The following PSMD1 variants were observed in gnomAD, a reference collection of about 807,000 sequenced individuals.
PSMD1 encodes 26S proteasome non-ATPase regulatory subunit 1.
In PSMD1, 18 loss-of-function variants were observed where a neutral mutation model predicts 119.0. The observed-to-expected ratio is 0.15, with a 90% CI of 0.10 to 0.22. The LOEUF is 0.22. Among genes scored for constraint, PSMD1 ranks in the 10% least tolerant of loss-of-function variants. PSMD1 has a pLI of 1.00. For synonymous variants in PSMD1, 374 were observed against 396.6 expected, an observed-to-expected ratio of 0.94 and a Z score of 0.68; for missense variants, 702 against 1,158.5, an observed-to-expected ratio of 0.61 and a Z score of 5.72.
At chr2:231,137,885 C>CA (rs1221398503) in intron 16 of PSMD1, among the ~76,000 whole-genome samples, 1 of 152,038 alleles carries the variant, frequency 6.6e-6, no homozygotes, top group Non-Finnish European at 1.5e-5. Flanking sequence ...TTCATGGCTG[C>CA]AAAAAAATCT....
chr2:231,062,352 G>C, intron 3 of PSMD1, 31 bp downstream of exon 3: 1 of 1,557,250 alleles, frequency 6.4e-7, no homozygotes, highest in South Asian at 1.1e-5. Flanking sequence ...ATCAGAATAA[G>C]ATGGATCAAA....
chr2:231,147,799 T>C (rs761176530), intron 18 of PSMD1, among the ~76,000 whole-genome samples: 1 of 152,232 alleles, frequency 6.6e-6, no homozygotes, highest in Non-Finnish European at 1.5e-5. Flanking sequence ...GAAAAAACTG[T>C]TGGCATTGTG....
At chr2:231,125,694 C>A (rs1306643468) in intron 16 of PSMD1, among the ~76,000 whole-genome samples, 1 of 152,148 alleles carries the variant, frequency 6.6e-6, no homozygotes, top group African/African-American at 2.4e-5. Flanking sequence ...AATGAAAATA[C>A]GTTTTTGCCT....
chr2:231,147,354 T>C (rs2125255150), intron 18 of PSMD1, among the ~76,000 whole-genome samples: 1 of 152,230 alleles, frequency 6.6e-6, no homozygotes, highest in African/African-American at 2.4e-5. Flanking sequence ...AGGAATTAGC[T>C]GGGCATGGTG....
At position 231,146,883 on chromosome 2, in the gene PSMD1, C is replaced by T. The variant is rs544377837; in HGVS notation, c.2115+527C>T. Among the ~76,000 whole-genome samples, 3 of 152,320 alleles carry T rather than the reference C, an allele frequency of 2.0e-5. No individual in the cohort carries two copies. The South Asian group carries it at 6.2e-4, about 32-fold the overall frequency. ...TTTTTGGGTGGAGTTCCAAATGGCTCCAAGACAGCTTTCTTTTCCACTTGA... is the reference window on the plus strand; with the variant it reads ...TTTTTGGGTGGAGTTCCAAATGGCTTCAAGACAGCTTTCTTTTCCACTTGA... On this transcript the variant is annotated intron_variant, in intron 18 of 24. Coordinates refer to ENST00000308696, the MANE Select transcript of PSMD1 (RefSeq NM_002807.4).
At chr2:231,105,656 A>G (rs1694957684) in intron 16 of PSMD1, among the ~76,000 whole-genome samples, 1 of 152,202 alleles carries the variant, frequency 6.6e-6, no homozygotes, top group Non-Finnish European at 1.5e-5. Context: ...AAGCTTTTAG[A>G]TACGGATCTT....
intron 18 of PSMD1, among the ~76,000 whole-genome samples, chr2:231,150,191 A>G (rs1244145517): frequency 6.6e-6 from 1 of 151,826 alleles, no homozygotes; most frequent in Admixed American, 6.6e-5. Context: ...TAAAAATACA[A>G]AAAAAATTAG....
At chr2:231,096,780 C>G (rs771624648) in intron 16 of PSMD1, among the ~76,000 whole-genome samples, 1 of 152,170 alleles carries the variant, frequency 6.6e-6, no homozygotes, top group Non-Finnish European at 1.5e-5. Flanking sequence ...TCCCTATTGG[C>G]TAGGGTTAGA....
chr2:231,061,388 TCC>T, intron 2 of PSMD1, 78 bp downstream of exon 2: 1 of 1,229,068 alleles, frequency 8.1e-7, no homozygotes, highest in Non-Finnish European at 1.2e-6. Context: ...TCTGTAATCT[TCC>T]ATCATTTAAA....
chr2:231,123,546 G>A, intron 16 of PSMD1: 2 of 1,613,994 alleles, frequency 1.2e-6, no homozygotes, highest in Non-Finnish European at 1.7e-6. Context: ...GAATAACAAG[G>A]GTATTTCCAC....
intron 7 of PSMD1, among the ~76,000 whole-genome samples, chr2:231,074,739 G>T (rs1221204387): frequency 6.6e-6 from 1 of 152,098 alleles, no homozygotes; most frequent in Non-Finnish European, 1.5e-5. Flanking sequence ...TTCCAAAGGA[G>T]GCTTGTTTAG....
At chr2:231,165,022 A>ATTTATATATATT in intron 21 of PSMD1, 178 bp from the exon 22 acceptor site, 1 of 31,330 alleles carries the variant, frequency 3.2e-5, no homozygotes, top group African/African-American at 3.3e-4. Context: ...TTATTCTTTG[A>ATTTATATATATT]TTTATATATA....
At chr2:231,065,705 T>C (rs1267738098) in intron 4 of PSMD1, among the ~76,000 whole-genome samples, 2 of 152,170 alleles carry the variant, frequency 1.3e-5, no homozygotes, top group African/African-American at 4.8e-5. Flanking sequence ...TATAACTAAA[T>C]TGCAAACAAA....
intron 16 of PSMD1, among the ~76,000 whole-genome samples, chr2:231,107,139 A>G (rs1007818387): frequency 3.9e-5 from 6 of 152,214 alleles, no homozygotes; most frequent in African/African-American, 1.4e-4. Flanking sequence ...TTAAATGTGT[A>G]TGATATACTC....
intron 16 of PSMD1, among the ~76,000 whole-genome samples, chr2:231,105,353 G>C (rs1694951774): frequency 6.6e-6 from 1 of 152,152 alleles, no homozygotes; most frequent in African/African-American, 2.4e-5. Context: ...TTCAAAGGCA[G>C]ATTTTATTAT....
At chr2:231,139,656 T>C (rs1337071347) in intron 17 of PSMD1, among the ~76,000 whole-genome samples, 2 of 151,966 alleles carry the variant, frequency 1.3e-5, no homozygotes, top group East Asian at 3.8e-4. Flanking sequence ...TTATGTTACA[T>C]GTTTAATTTG....
chr2:231,106,615 C>T (rs771923235), intron 16 of PSMD1, among the ~76,000 whole-genome samples: 1 of 151,052 alleles, frequency 6.6e-6, no homozygotes, highest in Non-Finnish European at 1.5e-5. Context: ...GAGAATCTGT[C>T]TCAAAAAAAG....
rs562501393 is a variant in PSMD1, at chr2:231,169,426, G to T, written c.2716-1140G>T. ...CTGGGAGTATTGGCAGTAAGGGCAG[G>T]GTCCATTCATAAAATGGATCCTCTT... On this transcript the variant is annotated intron_variant, in intron 23 of 24. Coordinates refer to ENST00000308696, the MANE Select transcript of PSMD1 (RefSeq NM_002807.4). Among the ~76,000 whole-genome samples, 20 of 152,206 alleles carry T rather than the reference G, an allele frequency of 1.3e-4. No homozygotes were observed. The South Asian group carries it at 2.3e-3, about 17-fold the overall frequency.
chr2:231,167,657 A>G (rs963208496), intron 23 of PSMD1, among the ~76,000 whole-genome samples: 1 of 152,262 alleles, frequency 6.6e-6, no homozygotes, highest in African/African-American at 2.4e-5. Flanking sequence ...GCTGACTACT[A>G]AGTTAAATGA....
Sources: gnomAD v4.1 joint callset for allele counts (sites outside exome capture counted in the v4.1 genomes callset) on GRCh38, gnomAD v4.1.1 for gene constraint, MANE v1.5 for transcripts, NCBI Gene and HGNC (gene_info 2026-07-23, HGNC 2026-07-21) for gene names.